Variants in PNMA8B observed in about 807,000 individuals in gnomAD.
PNMA8B encodes the protein PNMA family member 8B, also known as paraneoplastic antigen-like protein 8B.
For synonymous variants in PNMA8B, 386 were observed against 394.9 expected (o/e 0.98, Z 0.27); for missense variants, 887 against 885.8 (o/e 1.00, Z -0.02).
Position 46,493,797 on chromosome 19 carries a change from C to A in PNMA8B, c.1669G>T (p.Ala557Ser). 1 of 1,324,846 alleles carries A rather than the reference C, an allele frequency of 7.5e-7. No homozygotes were observed. 82.1% of individuals were successfully genotyped at this position (1,324,846 alleles called of 1,614,324 possible). Reference sequence around the variant, plus strand: ...CGGCCGCCCGCGCGGGTTTTGCGGGCCCCGGAAGCGGTGGGAGGCGCGCCG... The same window carrying A: ...CGGCCGCCCGCGCGGGTTTTGCGGGACCCGGAAGCGGTGGGAGGCGCGCCG... ...PAGAPPTASG[A>S]RKTRAGGRGR... Residue 557 changes from alanine to serine, a missense_variant, in exon 1 of 1, where the codon GCC becomes TCC. Transcript: ENST00000599531. This position sits in a 1 kb window ranked among gnomAD's most constrained non-coding sequence, Gnocchi z 5.3.
rs992903156 is a variant in PNMA8B, at chr19:46,491,378, G to C, written c.*2180C>G. ...CAGACCCCAGGTGTGACTTCTAAGA[G>C]GACGTCTCTGGCAGCCATGTATGGT... On this transcript the variant is annotated 3_prime_UTR_variant, in exon 1 of 1. Coordinates refer to ENST00000599531, the MANE Select transcript of PNMA8B (RefSeq NM_020709.3). The C allele has an allele frequency of 7.2e-5, 11 of 152,292 alleles. No homozygotes were observed. The highest frequency in any genetic ancestry group is 6.6e-4 in the Admixed American group (10 of 15,262). 9.4% of individuals were successfully genotyped at this position (152,292 alleles called of 1,614,324 possible).
chr19:46,495,072 C>T lies in PNMA8B; in HGVS notation c.394G>A (p.Ala132Thr). 1 of 1,612,310 alleles carries T rather than the reference C, an allele frequency of 6.2e-7. No individual in the cohort carries two copies. Among genetic ancestry groups the T allele is most frequent in the Non-Finnish European group, 8.5e-7 (1 of 1,179,804 alleles). Residue 132 changes from alanine to threonine, a missense_variant, in exon 1 of 1, where the codon GCT (alanine) becomes ACT (threonine). Transcript: ENST00000599531. ...GTPGEAPTPP[A>T]SETQAQDSGE... The stretch of plus-strand genomic sequence containing the variant: ...GAATCCTGGGCCTGCGTCTCCGAAG[C>T]GGGAGGGGTGGGTGCCTCCCCGGGG...
Position 46,491,995 on chromosome 19 carries a change from C to G in PNMA8B, c.*1563G>C. On this transcript the variant is annotated 3_prime_UTR_variant, in exon 1 of 1. Coordinates refer to ENST00000599531, the MANE Select transcript of PNMA8B (RefSeq NM_020709.3). ...GTGCCCAGCTCAAGGTACACCCAGC[C>G]TGGTCCTCAGTGGGTGGGTCACTGT... 1 of 225,920 alleles carries G rather than the reference C, an allele frequency of 4.4e-6. No homozygotes were observed. The highest frequency in any genetic ancestry group is 4.4e-5 in the South Asian group (1 of 22,978). 14.0% of individuals were successfully genotyped at this position (225,920 alleles called of 1,614,324 possible).
Position 46,493,462 on chromosome 19 carries a change from C to T in PNMA8B, c.*96G>A. ...CTGTGAAGCGAGGAGATTGCGTCTG[C>T]GGAGGACAGGAAGAGGGGAGGGGAG... On this transcript the variant is annotated 3_prime_UTR_variant, in exon 1 of 1. Coordinates refer to ENST00000599531, the MANE Select transcript of PNMA8B (RefSeq NM_020709.3). The surrounding 1 kb of genome is among the most constrained non-coding windows in gnomAD (Gnocchi z 5.3). The T allele has an allele frequency of 1.4e-6, 1 of 724,218 alleles. No individual in the cohort carries two copies. The highest frequency in any genetic ancestry group is 1.8e-6 in the Non-Finnish European group (1 of 542,588). The allele number at this position is 724,218 out of a possible 1,614,324, so 44.9% of individuals were successfully genotyped here. A position where few individuals can be genotyped will look rare whatever the true frequency, so the allele number is the denominator to read the frequency against.
Position 46,495,625 on chromosome 19 carries a change from G to A in PNMA8B, c.-160C>T. 1 of 907,710 alleles carries A rather than the reference G, an allele frequency of 1.1e-6. No individual in the cohort carries two copies. The highest frequency in any genetic ancestry group is 1.6e-6 in the Non-Finnish European group (1 of 610,582). The allele number at this position is 907,710 out of a possible 1,614,324, so 56.2% of individuals were successfully genotyped here. On this transcript the variant is annotated 5_prime_UTR_variant, in exon 1 of 1. Transcript: ENST00000599531. ...GGCTGGAGTGGGGCTCGGGGCTCGG[G>A]GGCTCTAGCTGCCTGCTGGCCGGCT...
chr19:46,494,256 TGC>T lies in PNMA8B; in HGVS notation c.1208_1209del (p.Arg403GlnfsTer5). On this transcript the variant is annotated frameshift_variant, in exon 1 of 1. Transcript: ENST00000599531. LOFTEE classifies it low-confidence loss of function (END_TRUNC). Reference sequence around the variant, plus strand: ...CGGAGGTCCCCGTCATCCCCGGCCTTGCGCAGGACCACGGCGTCCACCTCGCG... The same window carrying T: ...CGGAGGTCCCCGTCATCCCCGGCCTTGCAGGACCACGGCGTCCACCTCGCG... ...AGREVDAVVL[R>X]KAGDDGDLRE... 6.2e-7 allele frequency: 1 copy of T among 1,609,792 alleles called. No homozygotes were observed. Among genetic ancestry groups the T allele is most frequent in the African/African-American group, 1.3e-5 (1 of 75,016 alleles).
rs951350642 is a variant in PNMA8B at position 46,494,907 on chromosome 19, A to C, written c.559T>G (p.Ser187Ala). ...TCGGCCTCACTCCTCGCGGGAGCAG[A>C]CGGCCGTCCTCCTCGGCTTCTCTTC... ...GKKRSRGGRP[S>A]APARSEAEDS... is the part of the protein sequence containing the mutation. Residue 187 changes from serine (S) to alanine (A), a missense_variant, in exon 1 of 1, where the codon TCT becomes GCT. Coordinates refer to ENST00000599531, the MANE Select transcript of PNMA8B (RefSeq NM_020709.3). 5 of 1,611,794 alleles carry C rather than the reference A, an allele frequency of 3.1e-6. No homozygotes were observed. Among genetic ancestry groups the C allele is most frequent in the Non-Finnish European group, 4.2e-6 (5 of 1,179,866 alleles).
Position 46,492,517 on chromosome 19 carries a change from C to T in PNMA8B, c.*1041G>A, listed in dbSNP as rs57318042. ...GAGGGACACGCGGCCGGCTTCTGCA[C>T]TGCCCAGGTGAGCCTCTGTCCCTCA... is the stretch of plus-strand genomic sequence containing the variant. On this transcript the variant is annotated 3_prime_UTR_variant, in exon 1 of 1. Coordinates refer to ENST00000599531, the MANE Select transcript of PNMA8B (RefSeq NM_020709.3). 0.039 allele frequency: 6,315 copies of T among 162,526 alleles called. 152 individuals carry two copies. The highest frequency in any genetic ancestry group is 0.062 in the African/African-American group (2,583 of 41,822). The allele number at this position is 162,526 out of a possible 1,614,324, so 10.1% of individuals were successfully genotyped here.
At position 46,493,504 on chromosome 19, in the gene PNMA8B, G is replaced by C; in HGVS notation, c.*54C>G. 1.7e-6 allele frequency: 2 copies of C among 1,168,694 alleles called. No individual in the cohort carries two copies. The highest frequency in any genetic ancestry group is 1.6e-5 in the African/African-American group (1 of 62,550). 72.4% of individuals were successfully genotyped at this position (1,168,694 alleles called of 1,614,324 possible). On this transcript the variant is annotated 3_prime_UTR_variant, in exon 1 of 1. Transcript: ENST00000599531. The surrounding 1 kb of genome is among the most constrained non-coding windows in gnomAD (Gnocchi z 5.3). Reference sequence around the variant, plus strand: ...GGAGGGGAGGGCGGGGGCCACAGGCGGGCGGGTGCCCTGCGGGGCCTGCTC... The same window carrying C: ...GGAGGGGAGGGCGGGGGCCACAGGCCGGCGGGTGCCCTGCGGGGCCTGCTC...
rs1375099547 is a variant in PNMA8B at position 46,494,809 on chromosome 19, G to A, written c.657C>T (p.Asp219=). Residue 219 remains aspartate, a synonymous_variant, in exon 1 of 1, where the codon GAC becomes GAT. Coordinates refer to ENST00000599531, the MANE Select transcript of PNMA8B (RefSeq NM_020709.3). ...IDQGDLSGEE[D]QSALYATLQA... is the part of the protein sequence containing the mutation. Reference sequence around the variant, plus strand: ...GCAGCGTGGCGTACAGCGCGCTCTGGTCCTCTTCTCCGCTCAGGTCGCCCT... The same window carrying A: ...GCAGCGTGGCGTACAGCGCGCTCTGATCCTCTTCTCCGCTCAGGTCGCCCT... The A allele has an allele frequency of 5.0e-6, 8 of 1,613,542 alleles. No homozygotes were observed. The South Asian group carries it at 7.7e-5, about 15-fold the overall frequency.
In PNMA8B at chr19:46,495,556, G is replaced by A. The variant is rs945539536; in HGVS notation, c.-91C>T. ...CACGGTGTCAATGCAACCCTAGAAA[G>A]CCACTTGCAGGGCTTAGAGTCCCGG... is the stretch of plus-strand genomic sequence containing the variant. On this transcript the variant is annotated 5_prime_UTR_variant, in exon 1 of 1. Coordinates refer to ENST00000599531, the MANE Select transcript of PNMA8B (RefSeq NM_020709.3). 7 of 1,463,156 alleles carry A rather than the reference G, an allele frequency of 4.8e-6. No homozygotes were observed. The highest frequency in any genetic ancestry group is 5.4e-6 in the Non-Finnish European group (6 of 1,102,692). The allele number at this position is 1,463,156 out of a possible 1,614,324, so 90.6% of individuals were successfully genotyped here. A position where few individuals can be genotyped will look rare whatever the true frequency, so the allele number is the denominator to read the frequency against.
chr19:46,492,643 T>C lies in PNMA8B; in HGVS notation c.*915A>G, dbSNP rs1970020758. ...GGGCTGCAAGGCCAGCGCTGAGCGG[T>C]GGGTCAGCTCCACTGGAGAGGGGGC... On this transcript the variant is annotated 3_prime_UTR_variant, in exon 1 of 1. Transcript: ENST00000599531. The C allele has an allele frequency of 6.6e-6, 1 of 152,424 alleles. No individual in the cohort carries two copies. Among genetic ancestry groups the C allele is most frequent in the Non-Finnish European group, 1.5e-5 (1 of 68,236 alleles). The allele number at this position is 152,424 out of a possible 1,614,324, so 9.4% of individuals were successfully genotyped here.
Position 46,495,633 on chromosome 19 carries a change from G to T in PNMA8B, c.-168C>A. 1.2e-6 allele frequency: 1 copy of T among 830,630 alleles called. No individual in the cohort carries two copies. The highest frequency in any genetic ancestry group is 1.8e-6 in the Non-Finnish European group (1 of 541,210). 51.5% of individuals were successfully genotyped at this position (830,630 alleles called of 1,614,324 possible). ...TGGGGCTCGGGGCTCGGGGGCTCTA[G>T]CTGCCTGCTGGCCGGCTGGACGCAG... is the stretch of plus-strand genomic sequence containing the variant. On this transcript the variant is annotated 5_prime_UTR_variant, in exon 1 of 1. Transcript: ENST00000599531.
chr19:46,493,477 G>A lies in PNMA8B; in HGVS notation c.*81C>T, dbSNP rs1211230843. On this transcript the variant is annotated 3_prime_UTR_variant, in exon 1 of 1. Transcript: ENST00000599531. This position sits in a 1 kb window ranked among gnomAD's most constrained non-coding sequence, Gnocchi z 5.3. ...ATTGCGTCTGCGGAGGACAGGAAGAGGGGAGGGGAGGGCGGGGGCCACAGG... is the reference window on the plus strand; with the variant it reads ...ATTGCGTCTGCGGAGGACAGGAAGAAGGGAGGGGAGGGCGGGGGCCACAGG... The A allele has an allele frequency of 1.0e-5, 9 of 880,246 alleles. No individual in the cohort carries two copies. Among genetic ancestry groups the A allele is most frequent in the South Asian group, 6.9e-5 (2 of 29,180 alleles). 54.5% of individuals were successfully genotyped at this position (880,246 alleles called of 1,614,324 possible).
Position 46,491,238 on chromosome 19 carries a change from T to G in PNMA8B, c.*2320A>C, listed in dbSNP as rs1969997533. 6.6e-6 allele frequency: 1 copy of G among 152,208 alleles called. No homozygotes were observed. The highest frequency in any genetic ancestry group is 1.5e-5 in the Non-Finnish European group (1 of 68,036). 9.4% of individuals were successfully genotyped at this position (152,208 alleles called of 1,614,324 possible). On this transcript the variant is annotated 3_prime_UTR_variant, in exon 1 of 1. Coordinates refer to ENST00000599531, the MANE Select transcript of PNMA8B (RefSeq NM_020709.3). ...TAATCTTAATTACATTTAAATCCAA[T>G]TTACCCCGTGTGATTACCTAGTTGA...
Position 46,493,799 on chromosome 19 carries a change from C to G in PNMA8B, c.1667G>C (p.Gly556Ala), listed in dbSNP as rs1970044252. The part of the protein sequence containing the change: ...TPAGAPPTAS[G>A]ARKTRAGGRG... Reference sequence around the variant, plus strand: ...GCCGCCCGCGCGGGTTTTGCGGGCCCCGGAAGCGGTGGGAGGCGCGCCGGC... The same window carrying G: ...GCCGCCCGCGCGGGTTTTGCGGGCCGCGGAAGCGGTGGGAGGCGCGCCGGC... Residue 556 changes from glycine to alanine, a missense_variant, in exon 1 of 1, where the codon GGG becomes GCG. By Grantham distance (60) the Gly-to-Ala change is moderately conservative. Transcript: ENST00000599531. The surrounding 1 kb of genome is among the most constrained non-coding windows in gnomAD (Gnocchi z 5.3). 3 of 1,364,398 alleles carry G rather than the reference C, an allele frequency of 2.2e-6. No individual in the cohort carries two copies. Among genetic ancestry groups the G allele is most frequent in the Non-Finnish European group, 2.8e-6 (3 of 1,065,194 alleles). The allele number at this position is 1,364,398 out of a possible 1,614,324, so 84.5% of individuals were successfully genotyped here.
Position 46,493,349 on chromosome 19 carries a change from G to A in PNMA8B, c.*209C>T. The stretch of plus-strand genomic sequence containing the variant: ...CCACTTCTCTTTCCTCCTCCCATCC[G>A]GGCTTCCTCCGTCGGGATCGCTGGC... On this transcript the variant is annotated 3_prime_UTR_variant, in exon 1 of 1. Transcript: ENST00000599531. The surrounding 1 kb of genome is among the most constrained non-coding windows in gnomAD (Gnocchi z 5.3). 1 of 401,564 alleles carries A rather than the reference G, an allele frequency of 2.5e-6. No homozygotes were observed. Among genetic ancestry groups the A allele is most frequent in the Non-Finnish European group, 4.4e-6 (1 of 229,420 alleles). 24.9% of individuals were successfully genotyped at this position (401,564 alleles called of 1,614,324 possible).
chr19:46,494,993 C>G lies in PNMA8B; in HGVS notation c.473G>C (p.Arg158Thr), dbSNP rs1246562873. 1 of 1,609,042 alleles carries G rather than the reference C, an allele frequency of 6.2e-7. No individual in the cohort carries two copies. Among genetic ancestry groups the G allele is most frequent in the Non-Finnish European group, 8.5e-7 (1 of 1,179,820 alleles). The change falls in exon 1 of 1, where the codon AGG (arginine) becomes ACG (threonine). Residue 158 changes from arginine to threonine, a missense_variant. Physicochemically the swap from Arg to Thr is moderately conservative, Grantham distance 71 (BLOSUM62 -1). Transcript: ENST00000599531. ...GTTTCTGCGACCCCGACGGCCCCTCCTTGGGTTCCTGGCTGCCCCAAGAAG... is the reference window on the plus strand; with the variant it reads ...GTTTCTGCGACCCCGACGGCCCCTCGTTGGGTTCCTGGCTGCCCCAAGAAG... ...GSLLGAARNPRRGRRGRRNRT... is the reference protein window; with the variant it reads ...GSLLGAARNPTRGRRGRRNRT...
chr19:46,492,459 G>T lies in PNMA8B; in HGVS notation c.*1099C>A, dbSNP rs376702933. The T allele has an allele frequency of 5.8e-6, 1 of 172,142 alleles. No individual in the cohort carries two copies. The highest frequency in any genetic ancestry group is 6.2e-5 in the Admixed American group (1 of 16,012). 10.7% of individuals were successfully genotyped at this position (172,142 alleles called of 1,614,324 possible). On this transcript the variant is annotated 3_prime_UTR_variant, in exon 1 of 1. Transcript: ENST00000599531. ...CTGGAACCTCCAGGGCAGGGCTGGG[G>T]TTTCCTCCCCAGGTCATTTCATCCC...
Sources: allele counts gnomAD v4.1 joint callset, GRCh38; gene constraint gnomAD v4.1.1; non-coding constraint Gnocchi (gnomAD v3.1); transcripts MANE v1.5; gene names NCBI Gene and HGNC (gene_info 2026-07-23, HGNC 2026-07-21).